DOCK2: variants seen among roughly 807,000 people sequenced by gnomAD.
DOCK2 encodes the protein dedicator of cytokinesis protein 2.
In DOCK2, 87 loss-of-function variants were observed where a neutral mutation model predicts 248.9. That is an observed-to-expected ratio of 0.35 (90% CI 0.29 to 0.42). The LOEUF (loss-of-function observed/expected upper bound fraction) is 0.42. Among genes scored for constraint, DOCK2 ranks in the 10% least tolerant of loss-of-function variants. The probability of loss-of-function intolerance (pLI) is 1.00; values close to 1 mark genes in which losing one functional copy is unlikely to be tolerated. For synonymous variants in DOCK2, 805 were observed against 821.6 expected (o/e 0.98, Z 0.35); for missense variants, 1,747 against 2,300.2 (o/e 0.76, Z 4.92).
At chr5:169,810,685 T>A (rs1389199048) in intron 26 of DOCK2, among the ~76,000 whole-genome samples, 1 of 152,172 alleles carries the variant, frequency 6.6e-6, no homozygotes, top group East Asian at 1.9e-4. Flanking sequence ...CTTCTGTTTT[T>A]AAGAAAGACT....
At chr5:170,058,183 A>G (rs1186139011) in intron 44 of DOCK2, among the ~76,000 whole-genome samples, 1 of 152,240 alleles carries the variant, frequency 6.6e-6, no homozygotes, top group African/African-American at 2.4e-5. Context: ...CCACGTCCTC[A>G]GACAGCTAAA....
At chr5:169,698,083 C>T (rs575837830) in intron 10 of DOCK2, among the ~76,000 whole-genome samples, 39 of 152,332 alleles carry the variant, frequency 2.6e-4, no homozygotes, top group Non-Finnish European at 4.3e-4. Context: ...ATTCCACAGC[C>T]ACGGCTCTGA....
chr5:169,818,429 A>G (rs1379058398), intron 26 of DOCK2, among the ~76,000 whole-genome samples: 1 of 152,222 alleles, frequency 6.6e-6, no homozygotes, highest in East Asian at 1.9e-4. Flanking sequence ...TTGGAGACAC[A>G]TAGGCATGGA....
intron 25 of DOCK2, among the ~76,000 whole-genome samples, chr5:169,781,357 T>G (rs536413576): frequency 6.6e-6 from 1 of 152,174 alleles, no homozygotes; most frequent in Admixed American, 6.5e-5. Context: ...GCTGGAAAAT[T>G]TAAACTCTAG....
intron 27 of DOCK2, among the ~76,000 whole-genome samples, chr5:169,900,547 G>A (rs527925156): frequency 6.6e-6 from 1 of 152,192 alleles, no homozygotes; most frequent in South Asian, 2.1e-4. Context: ...GCTTAGGCAA[G>A]CTGTACATTT....
At chr5:170,038,876 T>A (rs1271080473) in intron 36 of DOCK2, among the ~76,000 whole-genome samples, 2 of 152,130 alleles carry the variant, frequency 1.3e-5, no homozygotes, top group Admixed American at 1.3e-4. Context: ...AACTCAGCCA[T>A]CTAGGGGTCT....
intron 6 of DOCK2, among the ~76,000 whole-genome samples, chr5:169,676,949 G>T (rs890847601): frequency 6.6e-6 from 1 of 152,072 alleles, no homozygotes; most frequent in African/African-American, 2.4e-5. Flanking sequence ...CTGTACACCA[G>T]GCACCATTTA....
At chr5:169,877,929 T>C (rs1187169173) in intron 27 of DOCK2, among the ~76,000 whole-genome samples, 1 of 152,188 alleles carries the variant, frequency 6.6e-6, no homozygotes, top group Non-Finnish European at 1.5e-5. Flanking sequence ...CTGAACAGCA[T>C]GCTTGGATGG....
intron 10 of DOCK2, 115 bp downstream of exon 10, chr5:169,696,053 T>G: frequency 7.3e-7 from 1 of 1,378,258 alleles, no homozygotes; most frequent in Non-Finnish European, 9.5e-7. Flanking sequence ...CCTGCAAAAT[T>G]TATGCCAGAC....
intron 46 of DOCK2, chr5:170,075,576 A>C: frequency 5.7e-6 from 1 of 174,038 alleles, no homozygotes; most frequent in Non-Finnish European, 1.2e-5. Context: ...TGCCAAGAAC[A>C]TCTTAGGCAA....
At chr5:169,852,552 C>G (rs1770671230) in intron 27 of DOCK2, among the ~76,000 whole-genome samples, 1 of 152,182 alleles carries the variant, frequency 6.6e-6, no homozygotes, top group African/African-American at 2.4e-5. Flanking sequence ...GTGCAGATCC[C>G]CATTTTGCTT....
At chr5:169,717,517 T>G in intron 21 of DOCK2, 33 bp downstream of exon 21, 2 of 1,596,098 alleles carry the variant, frequency 1.3e-6, no homozygotes, top group Non-Finnish European at 1.7e-6. Flanking sequence ...ACTTCTTCTC[T>G]ACCACCCTCT....
chr5:170,050,406 G>A lies in DOCK2; in HGVS notation c.4213+9G>A. ...GAATGCCCCAGGCCAGTGTATCCTT[G>A]GAGAATGCCCTAGCCAAGGGGCCAG... On this transcript the variant is annotated intron_variant, in intron 41 of 51. Coordinates refer to ENST00000520908, the MANE Select transcript of DOCK2 (RefSeq NM_004946.3). 1.2e-6 allele frequency: 2 copies of A among 1,613,218 alleles called. No homozygotes were observed. The highest frequency in any genetic ancestry group is 1.7e-6 in the Non-Finnish European group (2 of 1,179,482).
rs529622908 is a variant in DOCK2, at chr5:169,941,329, G to A, written c.2800-41739G>A. On this transcript the variant is annotated intron_variant, in intron 27 of 51. Coordinates refer to ENST00000520908, the MANE Select transcript of DOCK2 (RefSeq NM_004946.3). ...TTCAAGCAATTCTCCTGTCTCAGCC[G>A]CCCAAGTAGCTGGGATTACAGGCCT... is the stretch of plus-strand genomic sequence containing the variant. Among the ~76,000 whole-genome samples the A allele has an allele frequency of 5.1e-4, 77 of 152,182 alleles. No homozygotes were observed. In the South Asian group the frequency reaches 7.5e-3, roughly 15 times the overall value.
At chr5:169,915,710 T>G (rs1399622131) in intron 27 of DOCK2, among the ~76,000 whole-genome samples, 1 of 152,088 alleles carries the variant, frequency 6.6e-6, no homozygotes, top group East Asian at 1.9e-4. Flanking sequence ...AAGGCAATTG[T>G]CAGCATAGTC....
chr5:170,074,208 T>C (rs1757769678), intron 46 of DOCK2, among the ~76,000 whole-genome samples: 1 of 152,180 alleles, frequency 6.6e-6, no homozygotes, highest in Middle Eastern at 3.2e-3. Context: ...TTAGTTAAAT[T>C]TTTTAGAAAA....
intron 25 of DOCK2, among the ~76,000 whole-genome samples, chr5:169,782,763 A>G (rs1403486597): frequency 6.6e-6 from 1 of 152,178 alleles, no homozygotes; most frequent in Admixed American, 6.5e-5. Flanking sequence ...GCTCAATGCC[A>G]TCCTGCTGCC....
chr5:169,941,979 T>A (rs1462088437), intron 27 of DOCK2, among the ~76,000 whole-genome samples: 1 of 152,232 alleles, frequency 6.6e-6, no homozygotes. Flanking sequence ...CTGTATTATA[T>A]CATTTCAGTT....
At chr5:169,754,726 A>T (rs1441646253) in intron 23 of DOCK2, among the ~76,000 whole-genome samples, 1 of 152,124 alleles carries the variant, frequency 6.6e-6, no homozygotes, top group East Asian at 1.9e-4. Context: ...AGCTGGGTAC[A>T]CATCCTTGCT....
Sources: gnomAD v4.1 joint callset for allele counts (sites outside exome capture counted in the v4.1 genomes callset) on GRCh38, gnomAD v4.1.1 for gene constraint, MANE v1.5 for transcripts, NCBI Gene and HGNC (gene_info 2026-07-23, HGNC 2026-07-21) for gene names.